CFAP299: variants seen among roughly 807,000 people sequenced by gnomAD.
CFAP299 encodes cilia- and flagella-associated protein 299.
A neutral mutation model predicts 27.0 loss-of-function variants in CFAP299; 21 were observed. The ratio of observed to expected loss-of-function variants is 0.78; its 90% CI spans 0.55 to 1.12. The LOEUF is 1.12. Ranked by LOEUF, CFAP299 falls within the 50% of genes most tolerant of loss-of-function variation. The pLI is 0.00. For synonymous variants in CFAP299, 104 were observed against 98.1 expected (o/e 1.06, Z -0.36); for missense variants, 310 against 276.6 (o/e 1.12, Z -0.86).
intron 3 of CFAP299, among the ~76,000 whole-genome samples, chr4:80,866,304 C>A (rs944171257): frequency 6.6e-6 from 1 of 151,202 alleles, no homozygotes; most frequent in African/African-American, 2.4e-5. Flanking sequence ...GATTAATAAC[C>A]AGAATTCTAA....
intron 2 of CFAP299, among the ~76,000 whole-genome samples, chr4:80,558,366 G>GTT: frequency 7.7e-6 from 1 of 129,810 alleles, no homozygotes; most frequent in Non-Finnish European, 1.5e-5. Flanking sequence ...TTGTTTGTTT[G>GTT]TTTTTTTTTT....
In CFAP299 at chr4:80,378,480, G is replaced by GT. The variant is rs927206260; in HGVS notation, c.242+15606dup. Among the ~76,000 whole-genome samples the GT allele has an allele frequency of 2.3e-3, 337 of 143,974 alleles. 1 individual carries two copies. Among genetic ancestry groups the GT allele is most frequent in the South Asian group, 9.1e-3 (41 of 4,486 alleles). 94.5% of individuals were successfully genotyped at this position (143,974 alleles called of 152,430 possible). A position where few individuals can be genotyped will look rare whatever the true frequency, so the allele number is the denominator to read the frequency against. On this transcript the variant is annotated intron_variant, in intron 2 of 5. Coordinates refer to ENST00000358105, the MANE Select transcript of CFAP299 (RefSeq NM_152770.3). ...TAATAGAAGTAGAGAAGGGGATATT[G>GT]TTTTTTTTTTCAGTTTTAAGAAGAA...
intron 2 of CFAP299, chr4:80,388,276 G>T: frequency 1.5e-6 from 1 of 689,230 alleles, no homozygotes; most frequent in Non-Finnish European, 2.7e-6. Context: ...CCAGGGATGT[G>T]AAGCCTGAAA....
At chr4:80,961,283 A>G (rs1323351748) in intron 5 of CFAP299, among the ~76,000 whole-genome samples, 1 of 151,784 alleles carries the variant, frequency 6.6e-6, no homozygotes, top group Non-Finnish European at 1.5e-5. Flanking sequence ...TAAACCTAAC[A>G]CTGATAAATC....
At chr4:80,554,504 A>AG (rs1734691805) in intron 2 of CFAP299, among the ~76,000 whole-genome samples, 1 of 106,756 alleles carries the variant, frequency 9.4e-6, no homozygotes, top group Non-Finnish European at 1.9e-5. Flanking sequence ...GTTTTCCACT[A>AG]GTTTTTTTTT....
chr4:80,679,745 T>G (rs1475059321), intron 3 of CFAP299, among the ~76,000 whole-genome samples: 1 of 148,656 alleles, frequency 6.7e-6, no homozygotes, highest in Admixed American at 6.7e-5. Flanking sequence ...TGTGTGGGTT[T>G]TTTTTTTTTT....
At chr4:80,608,402 A>G (rs865929053) in intron 3 of CFAP299, 2 of 1,496,106 alleles carry the variant, frequency 1.3e-6, no homozygotes, top group Middle Eastern at 1.7e-4. Context: ...TGCTTATGGA[A>G]AAGTTTCCTT....
intron 2 of CFAP299, among the ~76,000 whole-genome samples, chr4:80,524,855 C>T (rs1035270803): frequency 2.0e-5 from 3 of 152,154 alleles, no homozygotes; most frequent in African/African-American, 7.2e-5. Flanking sequence ...TTAGCTGGTT[C>T]TCCTGCTGGT....
At chr4:80,681,754 G>A (rs1462815509) in intron 3 of CFAP299, among the ~76,000 whole-genome samples, 5 of 152,202 alleles carry the variant, frequency 3.3e-5, no homozygotes, top group African/African-American at 7.2e-5. Context: ...GTGATCCTGA[G>A]CAGTGACTAT....
At chr4:80,390,005 A>C (rs543176377) in intron 2 of CFAP299, among the ~76,000 whole-genome samples, 18 of 152,276 alleles carry the variant, frequency 1.2e-4, no homozygotes, top group Admixed American at 7.9e-4. Flanking sequence ...ATTGAGGTAT[A>C]ACTGACAAAA....
chr4:80,606,492 G>A (rs1055994788), intron 3 of CFAP299, among the ~76,000 whole-genome samples: 5 of 152,028 alleles, frequency 3.3e-5, no homozygotes, highest in African/African-American at 1.2e-4. Context: ...CCAAGACCCT[G>A]CCATTGCACT....
chr4:80,941,573 C>G lies in CFAP299; in HGVS notation c.477-3237C>G, dbSNP rs146904743. On this transcript the variant is annotated intron_variant, in intron 4 of 5. Transcript: ENST00000358105. ...ATTTGTCCTTACATTTCTCCAAAGT[C>G]CAAATATCTTTCACATACAGCTACA... Among the ~76,000 whole-genome samples, 64 of 152,208 alleles carry G rather than the reference C, an allele frequency of 4.2e-4. 1 individual carries two copies. The highest frequency in any genetic ancestry group is 1.4e-3 in the African/African-American group (59 of 41,528).
chr4:80,390,193 G>C (rs1303055347), intron 2 of CFAP299, among the ~76,000 whole-genome samples: 2 of 151,504 alleles, frequency 1.3e-5, no homozygotes, highest in East Asian at 3.9e-4. Flanking sequence ...ATTAACTATA[G>C]TTGCTATTCC....
chr4:80,536,611 G>A (rs1475414072), intron 2 of CFAP299, among the ~76,000 whole-genome samples: 1 of 152,112 alleles, frequency 6.6e-6, no homozygotes, highest in Non-Finnish European at 1.5e-5. Context: ...AACATACAGG[G>A]AGGAAAGGGT....
intron 2 of CFAP299, among the ~76,000 whole-genome samples, chr4:80,475,024 C>G (rs951610195): frequency 6.6e-6 from 1 of 152,024 alleles, no homozygotes; most frequent in South Asian, 2.1e-4. Flanking sequence ...AGAGAGTGAG[C>G]CTTGCAAAGA....
chr4:80,800,328 AT>A (rs1386387770), intron 3 of CFAP299, among the ~76,000 whole-genome samples: 2 of 72,030 alleles, frequency 2.8e-5, no homozygotes, highest in African/African-American at 1.2e-4. Flanking sequence ...ATACATTAAT[AT>A]TAATATATAT....
intron 4 of CFAP299, among the ~76,000 whole-genome samples, chr4:80,896,208 T>C (rs149249019): frequency 1.1e-3 from 162 of 152,180 alleles, no homozygotes; most frequent in Non-Finnish European, 2.1e-3. Flanking sequence ...CTGTTTGAAT[T>C]TGAATCACCT....
Position 80,916,357 on chromosome 4 carries a change from G to C in CFAP299, c.477-28453G>C, listed in dbSNP as rs140511979. 3.0e-3 allele frequency among the ~76,000 whole-genome samples: 436 copies of C among 143,172 alleles called. 2 individuals are homozygous for C. The highest frequency in any genetic ancestry group is 0.011 in the African/African-American group (417 of 39,034). The allele number at this position is 143,172 out of a possible 152,430, so 93.9% of individuals were successfully genotyped here. ...TGTACAGTATATTAATTGCATACTG[G>C]GCATTGTGGATTTTACATTATTTGA... is the stretch of plus-strand genomic sequence containing the variant. On this transcript the variant is annotated intron_variant, in intron 4 of 5. Transcript: ENST00000358105.
intron 3 of CFAP299, among the ~76,000 whole-genome samples, chr4:80,730,422 A>G (rs545848197): frequency 1.9e-4 from 29 of 151,942 alleles, no homozygotes; most frequent in Admixed American, 1.0e-3. Flanking sequence ...CCTACCCATG[A>G]AGGCAAGGCT....
Sources: gnomAD v4.1 joint callset for allele counts (sites outside exome capture counted in the v4.1 genomes callset) on GRCh38, gnomAD v4.1.1 for gene constraint, MANE v1.5 for transcripts, NCBI Gene and HGNC (gene_info 2026-07-23, HGNC 2026-07-21) for gene names.